Variants in RMST observed in about 807,000 individuals in gnomAD.
The protein encoded by RMST is rhabdomyosarcoma 2 associated transcript.
At chr12:97,553,196 T>C (rs1883427448) in intron 11 of RMST, among the ~76,000 whole-genome samples, 1 of 150,698 alleles carries the variant, frequency 6.6e-6, no homozygotes, top group Non-Finnish European at 1.5e-5. Context: ...TTTTTTTATT[T>C]TTATTCTAAT....
At chr12:97,487,452 T>G (rs10745800) in intron 5 of RMST, among the ~76,000 whole-genome samples, 69,998 of 151,954 alleles carry the variant, frequency 0.46, 16,922 homozygotes, top group Middle Eastern at 0.6. Context: ...GACCTAAACA[T>G]GCAACAATAA....
At chr12:97,504,095 A>G (rs1052592914) in intron 10 of RMST, among the ~76,000 whole-genome samples, 1 of 152,156 alleles carries the variant, frequency 6.6e-6, no homozygotes, top group African/African-American at 2.4e-5. Context: ...TGTTTTCACT[A>G]TGTTAGCCAG....
intron 5 of RMST, among the ~76,000 whole-genome samples, chr12:97,474,624 CAA>C (rs34888626): frequency 3.9e-4 from 22 of 55,802 alleles, no homozygotes; most frequent in Middle Eastern, 0.013. Flanking sequence ...AAAAAGAAGC[CAA>C]AAAAAAAAAA....
At chr12:97,512,966 C>T (rs1004400301) in intron 10 of RMST, among the ~76,000 whole-genome samples, 1 of 152,236 alleles carries the variant, frequency 6.6e-6, no homozygotes, top group Non-Finnish European at 1.5e-5. Flanking sequence ...AGAAATTGAG[C>T]ACAGCAGCTG....
intron 10 of RMST, among the ~76,000 whole-genome samples, chr12:97,499,467 C>G (rs1459177725): frequency 6.6e-6 from 1 of 152,128 alleles, no homozygotes; most frequent in East Asian, 1.9e-4. Flanking sequence ...TATGCCTTCA[C>G]TAGCAATGTA....
chr12:97,521,985 A>G lies in RMST; in HGVS notation n.1341-8670A>G, dbSNP rs534730980. 2.1e-3 allele frequency among the ~76,000 whole-genome samples: 321 copies of G among 152,234 alleles called. 3 individuals carry two copies. The highest frequency in any genetic ancestry group is 3.6e-3 in the Non-Finnish European group (245 of 68,004). ...CATACTTGATTGCTGTGTTTCTTCT[A>G]TTAAAGTGAAATGAAAATGTCTACA... On this transcript the variant is annotated intron_variant and non_coding_transcript_variant, in intron 10 of 13. Coordinates refer to ENST00000640149, the Ensembl canonical transcript of RMST.
intron 11 of RMST, among the ~76,000 whole-genome samples, chr12:97,559,575 G>C (rs1198244357): frequency 6.6e-6 from 1 of 152,110 alleles, no homozygotes; most frequent in Admixed American, 6.6e-5. Flanking sequence ...TTATAGTCAG[G>C]AATATCAACA....
At chr12:97,526,064 G>A (rs888689218) in intron 10 of RMST, among the ~76,000 whole-genome samples, 1 of 151,676 alleles carries the variant, frequency 6.6e-6, no homozygotes, top group African/African-American at 2.4e-5. Flanking sequence ...CAAGCTCAGG[G>A]CTCCCACTGA....
At chr12:97,564,907 T>C (rs1247792976) in exon 14 of RMST, 4 of 152,244 alleles carry the variant, frequency 2.6e-5, no homozygotes, top group Admixed American at 1.3e-4. Context: ...GGACTTACAT[T>C]CACTTTTACT....
Position 97,501,996 on chromosome 12 carries a change from A to T in RMST, n.1340+5940A>T, listed in dbSNP as rs372749985. Among the ~76,000 whole-genome samples, 8 of 152,306 alleles carry T rather than the reference A, an allele frequency of 5.3e-5. No individual in the cohort carries two copies. In the East Asian group the frequency reaches 9.7e-4, roughly 18 times the overall value. ...TCAGTATTAGTATGAGTTACGGTTGATAATGATTGGACTTTAACTTTAAGG... is the reference window on the plus strand; with the variant it reads ...TCAGTATTAGTATGAGTTACGGTTGTTAATGATTGGACTTTAACTTTAAGG... On this transcript the variant is annotated intron_variant and non_coding_transcript_variant, in intron 10 of 13. Transcript: ENST00000640149.
intron 11 of RMST, among the ~76,000 whole-genome samples, chr12:97,531,536 CTAAT>C (rs1225079415): frequency 2.0e-5 from 3 of 151,916 alleles, no homozygotes; most frequent in African/African-American, 7.3e-5. Flanking sequence ...TCCTGTATTG[CTAAT>C]TAATGAGCGT....
rs762343305 is a variant in RMST, at chr12:97,563,788, G to A, written n.1959-362G>A. 3 of 490,290 alleles carry A rather than the reference G, an allele frequency of 6.1e-6. No individual in the cohort carries two copies. The Admixed American group carries it at 6.4e-5, about 10-fold the overall frequency. The allele number at this position is 490,290 out of a possible 1,614,324, so 30.4% of individuals were successfully genotyped here. On this transcript the variant is annotated intron_variant and non_coding_transcript_variant, in intron 13 of 13. Transcript: ENST00000640149. Reference sequence around the variant, plus strand: ...TGAAATGGTTGTGAAGTCATGTGAAGAAAATAAGTTTTGCATCCGACCAAG... The same window carrying A: ...TGAAATGGTTGTGAAGTCATGTGAAAAAAATAAGTTTTGCATCCGACCAAG...
intron 11 of RMST, among the ~76,000 whole-genome samples, chr12:97,540,991 C>T (rs145995431): frequency 1.6e-5 from 2 of 125,458 alleles, no homozygotes; most frequent in African/African-American, 5.6e-5. Flanking sequence ...GATAGATACA[C>T]AAGTCCTTTT....
At chr12:97,485,763 G>A (rs945158828) in intron 5 of RMST, among the ~76,000 whole-genome samples, 1 of 152,230 alleles carries the variant, frequency 6.6e-6, no homozygotes, top group African/African-American at 2.4e-5. Context: ...ATCTGTCCAA[G>A]TCAAGAACTT....
intron 4 of RMST, chr12:97,463,359 A>G (rs10777868): frequency 0.4 from 61,407 of 152,114 alleles, 12,882 homozygotes; most frequent in East Asian, 0.66. Context: ...GATAGAAAGC[A>G]ACTCTGGATA....
At chr12:97,469,627 T>A (rs1414128040) in intron 5 of RMST, among the ~76,000 whole-genome samples, 1 of 151,540 alleles carries the variant, frequency 6.6e-6, no homozygotes, top group Non-Finnish European at 1.5e-5. Flanking sequence ...GTCACAGAGC[T>A]AACGAGCAGC....
At chr12:97,489,732 G>A (rs1876547796) in intron 5 of RMST, among the ~76,000 whole-genome samples, 1 of 152,198 alleles carries the variant, frequency 6.6e-6, no homozygotes, top group African/African-American at 2.4e-5. Context: ...AGTTGCAGCT[G>A]AAGGCTAGTC....
At chr12:97,538,900 G>T (rs971093122) in intron 11 of RMST, among the ~76,000 whole-genome samples, 8 of 151,298 alleles carry the variant, frequency 5.3e-5, no homozygotes, top group African/African-American at 1.9e-4. Context: ...TTCACAGCTA[G>T]TTACATCTTA....
At chr12:97,550,360 C>T (rs1427209924) in intron 11 of RMST, among the ~76,000 whole-genome samples, 2 of 151,968 alleles carry the variant, frequency 1.3e-5, no homozygotes, top group African/African-American at 4.8e-5. Context: ...CCATCGCACT[C>T]CAGCTTGGCC....
Sources: allele counts gnomAD v4.1 joint callset (sites outside exome capture counted in the v4.1 genomes callset), GRCh38; gene constraint gnomAD v4.1.1; transcripts MANE v1.5; gene names NCBI Gene and HGNC (gene_info 2026-07-23, HGNC 2026-07-21).